CCDC178: variants seen among roughly 807,000 people sequenced by gnomAD.
CCDC178 encodes coiled-coil domain-containing protein 178.
CCDC178 carries 126 observed loss-of-function variants against 117.4 expected under a neutral mutation model. The observed-to-expected ratio is 1.07, with a 90% CI of 0.93 to 1.24. The LOEUF (loss-of-function observed/expected upper bound fraction) is 1.24. Ranked by LOEUF, CCDC178 falls within the 50% of genes most tolerant of loss-of-function variation. The pLI is 0.00. For synonymous variants in CCDC178, 283 were observed against 313.4 expected, an observed-to-expected ratio of 0.90 and a Z score of 1.02; for missense variants, 1,030 against 986.9, an observed-to-expected ratio of 1.04 and a Z score of -0.59.
intron 21 of CCDC178, among the ~76,000 whole-genome samples, chr18:32,975,005 G>T (rs149282690): frequency 6.6e-6 from 1 of 152,042 alleles, no homozygotes; most frequent in East Asian, 1.9e-4. Context: ...ACTCAAAACC[G>T]ATAGCCTTGG....
intron 21 of CCDC178, among the ~76,000 whole-genome samples, chr18:33,017,109 T>C (rs903849327): frequency 1.1e-4 from 16 of 151,946 alleles, no homozygotes; most frequent in Middle Eastern, 6.8e-3. Context: ...ATGGAGAAAT[T>C]AGGCTGGAAA....
intron 12 of CCDC178, among the ~76,000 whole-genome samples, chr18:33,270,267 C>T (rs1272877739): frequency 6.6e-6 from 1 of 151,242 alleles, no homozygotes; most frequent in African/African-American, 2.4e-5. Flanking sequence ...TACCAATATA[C>T]ATACAAAAGT....
intron 22 of CCDC178, among the ~76,000 whole-genome samples, chr18:32,970,153 A>G (rs969708630): frequency 6.6e-6 from 1 of 151,896 alleles, no homozygotes; most frequent in African/African-American, 2.4e-5. Flanking sequence ...AAAGTCAGAT[A>G]CACCAATTCT....
At chr18:33,128,357 C>A (rs533357201) in intron 20 of CCDC178, among the ~76,000 whole-genome samples, 3 of 152,098 alleles carry the variant, frequency 2.0e-5, no homozygotes, top group Non-Finnish European at 4.4e-5. Flanking sequence ...AGTTACAGAC[C>A]CTTTAGAGAA....
At chr18:32,954,110 T>C (rs1468061401) in intron 22 of CCDC178, 7 of 152,196 alleles carry the variant, frequency 4.6e-5, no homozygotes, top group Non-Finnish European at 8.8e-5. Context: ...AAAAAGTTCT[T>C]CAAGTGTGAA....
chr18:33,247,301 T>G (rs530329541), intron 14 of CCDC178, among the ~76,000 whole-genome samples: 18 of 151,932 alleles, frequency 1.2e-4, no homozygotes, highest in Admixed American at 6.6e-4. Context: ...AAAATAAGTA[T>G]ATTTAAAATG....
At chr18:33,325,613 C>T (rs1369043747) in intron 10 of CCDC178, among the ~76,000 whole-genome samples, 2 of 151,990 alleles carry the variant, frequency 1.3e-5, no homozygotes, top group East Asian at 1.9e-4. Flanking sequence ...AGATCATACG[C>T]AAGTGCAGTA....
At position 33,197,847 on chromosome 18, in the gene CCDC178, A is replaced by G. The variant is rs1355897930; in HGVS notation, c.2238+14049T>C. ...TCTTTTTCCATAAAGTGTGTTTCACATTATAAAAATCAACAAAGGTTATTG... is the reference window on the plus strand; with the variant it reads ...TCTTTTTCCATAAAGTGTGTTTCACGTTATAAAAATCAACAAAGGTTATTG... On this transcript the variant is annotated intron_variant, in intron 20 of 22. Coordinates refer to ENST00000383096, the MANE Select transcript of CCDC178 (RefSeq NM_001105528.4). 3.9e-5 allele frequency among the ~76,000 whole-genome samples: 6 copies of G among 152,196 alleles called. No individual in the cohort carries two copies. The South Asian group carries it at 1.0e-3, about 26-fold the overall frequency.
chr18:33,187,022 C>CT (rs2058802578), intron 20 of CCDC178, among the ~76,000 whole-genome samples: 1 of 145,824 alleles, frequency 6.9e-6, no homozygotes, highest in African/African-American at 2.7e-5. Context: ...TTCTGCATGG[C>CT]TGGGGAAACT....
At chr18:33,095,406 T>C (rs1484337093) in intron 20 of CCDC178, among the ~76,000 whole-genome samples, 1 of 151,956 alleles carries the variant, frequency 6.6e-6, no homozygotes, top group Admixed American at 6.6e-5. Context: ...AAATTTTTCT[T>C]TAAGCCTTGA....
intron 9 of CCDC178, among the ~76,000 whole-genome samples, chr18:33,340,175 C>A (rs566740076): frequency 6.6e-6 from 1 of 152,214 alleles, no homozygotes; most frequent in East Asian, 1.9e-4. Context: ...GGAACTTGAG[C>A]AAAGGTGACT....
chr18:33,250,799 A>C (rs1404502025), intron 14 of CCDC178, among the ~76,000 whole-genome samples: 2 of 151,588 alleles, frequency 1.3e-5, no homozygotes, highest in African/African-American at 4.8e-5. Flanking sequence ...ATCAAATTGA[A>C]AAGTCTTACT....
intron 21 of CCDC178, chr18:32,983,214 A>T: frequency 1.1e-6 from 1 of 899,928 alleles, no homozygotes; most frequent in Non-Finnish European, 1.7e-6. Context: ...AATGTGTGAC[A>T]CTTGTTAGAG....
At chr18:33,096,385 A>AATATAAAATTTTTATATTTTATATAAAT (rs1479852925) in intron 20 of CCDC178, among the ~76,000 whole-genome samples, 1 of 140,598 alleles carries the variant, frequency 7.1e-6, no homozygotes. Flanking sequence ...TTTATATAAA[A>AATATAAAATTTTTATATTTTATATAAAT]ATATAAAAAT....
chr18:33,310,497 G>A (rs1329296327), intron 11 of CCDC178, among the ~76,000 whole-genome samples: 1 of 152,050 alleles, frequency 6.6e-6, no homozygotes, highest in Non-Finnish European at 1.5e-5. Context: ...AGATCAACCT[G>A]GGAAGCAAGC....
chr18:33,187,337 T>C (rs2058808954), intron 20 of CCDC178, among the ~76,000 whole-genome samples: 1 of 152,094 alleles, frequency 6.6e-6, no homozygotes, highest in South Asian at 2.1e-4. Context: ...CATGACTCCA[T>C]ATTCAGTTCA....
At chr18:32,968,078 A>G (rs2054852876) in intron 22 of CCDC178, among the ~76,000 whole-genome samples, 1 of 151,862 alleles carries the variant, frequency 6.6e-6, no homozygotes, top group Non-Finnish European at 1.5e-5. Flanking sequence ...CGTGCAATAT[A>G]TTAGAACTTA....
At chr18:33,245,865 A>C (rs1481274227) in intron 14 of CCDC178, among the ~76,000 whole-genome samples, 1 of 151,912 alleles carries the variant, frequency 6.6e-6, no homozygotes, top group Admixed American at 6.6e-5. Flanking sequence ...GTGGTGGCAC[A>C]ATTCTTTTTG....
chr18:33,241,892 G>A (rs1432432660), intron 15 of CCDC178, among the ~76,000 whole-genome samples: 3 of 151,518 alleles, frequency 2.0e-5, no homozygotes, highest in Non-Finnish European at 4.4e-5. Context: ...TACCAAATAT[G>A]TTCTTAATAG....
Sources: allele counts gnomAD v4.1 joint callset (sites outside exome capture counted in the v4.1 genomes callset), GRCh38; gene constraint gnomAD v4.1.1; transcripts MANE v1.5; gene names NCBI Gene and HGNC (gene_info 2026-07-23, HGNC 2026-07-21).